The following DPP6 variants were observed in gnomAD, a reference collection of about 807,000 sequenced individuals.
DPP6 encodes dipeptidyl peptidase like 6.
Under a neutral mutation model 122.6 loss-of-function variants are expected in DPP6, and 69 were observed. That is an observed-to-expected ratio of 0.56 (90% CI 0.46 to 0.69). The LOEUF (loss-of-function observed/expected upper bound fraction) is 0.69, where lower values mean the gene tolerates loss of function less well. Among genes scored for constraint, DPP6 ranks in the 30% least tolerant of loss-of-function variants. DPP6 has a pLI of 0.00. For synonymous variants in DPP6, 418 were observed against 433.1 expected (o/e 0.97, Z 0.43); for missense variants, 928 against 1,116.9 (o/e 0.83, Z 2.41).
At position 154,771,831 on chromosome 7, in the gene DPP6, C is replaced by A. The variant is rs78620975; in HGVS notation, c.1039-1014C>A. ...GTCTGTAGCATGTGGAAGGGTCCAG[C>A]ATTTTAGTTGGAAGCATAATTAAAT... On this transcript the variant is annotated intron_variant, in intron 9 of 25. Coordinates refer to ENST00000377770, the MANE Select transcript of DPP6 (RefSeq NM_130797.4). 6.8e-3 allele frequency among the ~76,000 whole-genome samples: 1,035 copies of A among 152,292 alleles called. 8 individuals are homozygous for A. The highest frequency in any genetic ancestry group is 0.023 in the African/African-American group (967 of 41,554).
chr7:153,928,396 ATTTTTTT>A lies in DPP6; in HGVS notation c.51+40681_51+40687del, dbSNP rs71182854. 1.8e-3 allele frequency among the ~76,000 whole-genome samples: 79 copies of A among 43,702 alleles called. 2 individuals are homozygous for A. Among genetic ancestry groups the A allele is most frequent in the African/African-American group, 2.8e-3 (36 of 12,648 alleles). 28.7% of individuals were successfully genotyped at this position (43,702 alleles called of 152,430 possible). A position where few individuals can be genotyped will look rare whatever the true frequency, so the allele number is the denominator to read the frequency against. ...CTGGCTAATTTTTTTCTTTTCTTTC[ATTTTTTT>A]TTTTTTTTTTTTTTTTTTGGTAGAG... On this transcript the variant is annotated intron_variant, in intron 1 of 25. Transcript: ENST00000404039.
At chr7:154,790,802 GGAGGAAAGGAGGGAGGGAGGGAGGGA>G (rs1290064870) in intron 10 of DPP6, among the ~76,000 whole-genome samples, 2 of 136,854 alleles carry the variant, frequency 1.5e-5, no homozygotes, top group African/African-American at 2.8e-5. Flanking sequence ...CTAAGAGAAG[GGAGGAAAGGAGGGAGGGAGGGAGGGA>G]GAGGAAAGGA....
intron 1 of DPP6, among the ~76,000 whole-genome samples, chr7:153,927,138 C>T (rs1429767304): frequency 6.6e-6 from 1 of 151,918 alleles, no homozygotes; most frequent in East Asian, 1.9e-4. Flanking sequence ...CAGAGTTAGA[C>T]CGTGTCTCTA....
intron 16 of DPP6, among the ~76,000 whole-genome samples, chr7:154,841,355 T>TAGCCTTTGCCCCCCTGC (rs1801529784): frequency 6.9e-6 from 1 of 145,294 alleles, no homozygotes; most frequent in South Asian, 2.3e-4. Context: ...TGCCCCCCTG[T>TAGCCTTTGCCCCCCTGC]AGCCTTTGCC....
At chr7:154,266,275 C>T (rs1585781814) in intron 1 of DPP6, among the ~76,000 whole-genome samples, 1 of 152,186 alleles carries the variant, frequency 6.6e-6, no homozygotes, top group South Asian at 2.1e-4. Context: ...TGGGGAGATG[C>T]TTGAAATCAA....
the DPP6 span, among the ~76,000 whole-genome samples, chr7:153,807,709 T>C: frequency 6.6e-6 from 1 of 151,832 alleles, no homozygotes; most frequent in Non-Finnish European, 1.5e-5. Flanking sequence ...ATCTGGATGT[T>C]TCCAGCTCAG....
At chr7:153,781,362 G>A in the DPP6 span, among the ~76,000 whole-genome samples, 363 of 152,268 alleles carry the variant, frequency 2.4e-3, 1 homozygote, top group African/African-American at 7.2e-3. Flanking sequence ...AAGTTGTTAC[G>A]CAGAGCAGTT....
chr7:154,559,570 G>A (rs1031516658), intron 4 of DPP6, among the ~76,000 whole-genome samples: 3 of 152,084 alleles, frequency 2.0e-5, no homozygotes, highest in Non-Finnish European at 4.4e-5. Flanking sequence ...CTTAAGATGA[G>A]TGACAAATAG....
chr7:153,890,385 C>T (rs73163425), intron 1 of DPP6, among the ~76,000 whole-genome samples: 1,804 of 152,350 alleles, frequency 0.012, 15 homozygotes, highest in Non-Finnish European at 0.019. Flanking sequence ...AGCCCCTGCT[C>T]GCTGACATCC....
chr7:153,989,547 C>T (rs1215755992), intron 1 of DPP6, among the ~76,000 whole-genome samples: 2 of 151,846 alleles, frequency 1.3e-5, no homozygotes, highest in Non-Finnish European at 1.5e-5. Flanking sequence ...AGCCGGACTC[C>T]AGCTTCCTTG....
At chr7:154,266,295 T>C (rs1021441518) in intron 1 of DPP6, among the ~76,000 whole-genome samples, 3 of 152,128 alleles carry the variant, frequency 2.0e-5, no homozygotes, top group Admixed American at 6.5e-5. Context: ...ATCTGTCTTA[T>C]GAAGGAACTA....
intron 1 of DPP6, among the ~76,000 whole-genome samples, chr7:153,892,320 T>TG (rs1328598332): frequency 9.3e-6 from 1 of 107,842 alleles, no homozygotes; most frequent in East Asian, 2.8e-4. Context: ...CTTCTATTAT[T>TG]TTTTTTTTTC....
intron 1 of DPP6, among the ~76,000 whole-genome samples, chr7:153,897,529 C>G (rs924892544): frequency 6.6e-6 from 1 of 152,178 alleles, no homozygotes. Context: ...TAGCTTGAAG[C>G]CTTTTAACTA....
intron 3 of DPP6, among the ~76,000 whole-genome samples, chr7:154,503,161 T>C (rs746330403): frequency 2.6e-5 from 4 of 152,230 alleles, no homozygotes; most frequent in Non-Finnish European, 2.9e-5. Flanking sequence ...GTACAGCCTT[T>C]ATTTACACTA....
chr7:154,093,182 A>C (rs1804997159), intron 1 of DPP6, among the ~76,000 whole-genome samples: 1 of 149,868 alleles, frequency 6.7e-6, no homozygotes, highest in Non-Finnish European at 1.5e-5. Flanking sequence ...CACCAAATAC[A>C]CCACATGCCA....
chr7:154,652,082 A>G lies in DPP6; in HGVS notation c.680+14209A>G, dbSNP rs74458507. Among the ~76,000 whole-genome samples, 2,582 of 152,264 alleles carry G rather than the reference A, an allele frequency of 0.017. 97 individuals are homozygous for G. In the East Asian group the frequency reaches 0.18, roughly 11 times the overall value. On this transcript the variant is annotated intron_variant, in intron 6 of 25. Transcript: ENST00000377770. ...ATGGCATGATCAGGATACTGTCCTG[A>G]GAATTAGCAGTAGGATCTTACAGTG...
In DPP6 at chr7:154,456,842, A is replaced by G. The variant is rs1322767839; in HGVS notation, c.358+10514A>G. Among the ~76,000 whole-genome samples the G allele has an allele frequency of 1.0e-4, 3 of 29,762 alleles. 1 individual carries two copies. The highest frequency in any genetic ancestry group is 3.0e-4 in the African/African-American group (3 of 9,990). 19.5% of individuals were successfully genotyped at this position (29,762 alleles called of 152,430 possible). A position where few individuals can be genotyped will look rare whatever the true frequency, so the allele number is the denominator to read the frequency against. ...GGGCTGAGACGATGGGGTTTTCTAG[A>G]TAAACAATCATGTCGTCTGCAAACA... On this transcript the variant is annotated intron_variant, in intron 2 of 25. Transcript: ENST00000377770.
chr7:154,769,534 C>T lies in DPP6; in HGVS notation c.1001C>T (p.Ser334Phe), dbSNP rs777843244. 4.3e-6 allele frequency: 7 copies of T among 1,612,674 alleles called. No individual in the cohort carries two copies. In the African/African-American group the frequency reaches 5.3e-5, roughly 12 times the overall value. ...ATGGAGCTCCCAACTTACACCGGCT[C>T]CATCTACCCCACCGTGAAGCCCTAC... ...PIMELPTYTG[S>F]IYPTVKPYHY... Residue 334 changes from serine (S) to phenylalanine (F), a missense_variant, in exon 9 of 26, where the codon TCC (serine) becomes TTC (phenylalanine). Ser to Phe is a radical substitution (Grantham distance 155). Coordinates refer to ENST00000377770, the MANE Select transcript of DPP6 (RefSeq NM_130797.4).
At chr7:154,538,510 G>A (rs969616699) in intron 3 of DPP6, among the ~76,000 whole-genome samples, 1 of 152,108 alleles carries the variant, frequency 6.6e-6, no homozygotes, top group Non-Finnish European at 1.5e-5. Context: ...TCAGTAATGT[G>A]GGGGCGGGGT....
Sources: allele counts gnomAD v4.1 joint callset (sites outside exome capture counted in the v4.1 genomes callset), GRCh38; gene constraint gnomAD v4.1.1; transcripts MANE v1.5; gene names NCBI Gene and HGNC (gene_info 2026-07-23, HGNC 2026-07-21).